COX11: variants seen among roughly 807,000 people sequenced by gnomAD.
COX11 encodes cytochrome c oxidase assembly protein COX11, mitochondrial.
COX11 carries 18 observed loss-of-function variants against 29.4 expected under a neutral mutation model. That is an observed-to-expected ratio of 0.61 (90% CI 0.42 to 0.91). The LOEUF is 0.91. Ranked by LOEUF, COX11 falls within the 40% of genes least tolerant of loss-of-function variation. The pLI is 0.00. For missense variants in COX11, 312 were observed against 346.0 expected (o/e 0.90, Z 0.78); for synonymous variants, 131 against 124.0 (o/e 1.06, Z -0.38).
At position 54,962,482 on chromosome 17, in the gene COX11, T is replaced by C. The variant is rs1374404913; in HGVS notation, c.*251A>G. ...CTGCATATTTAAAAAACAAAGCGGC[T>C]TATTTTAATAGTATCAAACTCTTCA... On this transcript the variant is annotated 3_prime_UTR_variant, in exon 4 of 4. Transcript: ENST00000299335. 13 of 1,098,054 alleles carry C rather than the reference T, an allele frequency of 1.2e-5. No individual in the cohort carries two copies. In the African/African-American group the frequency reaches 2.1e-4, roughly 18 times the overall value. 68.0% of individuals were successfully genotyped at this position (1,098,054 alleles called of 1,614,324 possible). A position where few individuals can be genotyped will look rare whatever the true frequency, so the allele number is the denominator to read the frequency against.
intron 2 of COX11, chr17:54,964,394 C>T (rs966050703): frequency 6.6e-6 from 2 of 303,148 alleles, no homozygotes; most frequent in Non-Finnish European, 1.2e-5. Context: ...TATAGCCTGA[C>T]GGTTACTGCT....
Position 54,961,387 on chromosome 17 carries a change from A to G in COX11, c.*1346T>C. ...GCTATAATGAAGATTAAATAGAATA[A>G]CAGTTCCAGGATAACACTGATTCCT... is the stretch of plus-strand genomic sequence containing the variant. On this transcript the variant is annotated 3_prime_UTR_variant, in exon 4 of 4. Transcript: ENST00000299335. The G allele has an allele frequency of 6.5e-7, 1 of 1,548,632 alleles. No individual in the cohort carries two copies. The highest frequency in any genetic ancestry group is 2.4e-5 in the East Asian group (1 of 40,882).
downstream of COX11, among the ~76,000 whole-genome samples, chr17:54,960,226 A>G (rs7217666): frequency 0.74 from 111,602 of 151,732 alleles, 41,373 homozygotes; most frequent in African/African-American, 0.81. Flanking sequence ...TTAGCTGGGC[A>G]TGGTTGTGTG....
rs755412727 is a variant in COX11, at chr17:54,968,617, C to T, written c.30G>A (p.Arg10=). The change falls in exon 1 of 4, where the codon AGG becomes AGA. Residue 10 remains arginine, a synonymous_variant. Transcript: ENST00000299335. ...AGCGCCAGCCACAGAAAGGAACGCACCTCCATCCAGGACGCCAGAGCCCTC... is the reference window on the plus strand; with the variant it reads ...AGCGCCAGCCACAGAAAGGAACGCATCTCCATCCAGGACGCCAGAGCCCTC... MGGLWRPGW[R]CVPFCGWRWI... is the part of the protein sequence containing the mutation. The T allele has an allele frequency of 6.2e-6, 10 of 1,612,790 alleles. No homozygotes were observed. Among genetic ancestry groups the T allele is most frequent in the Admixed American group, 1.7e-5 (1 of 60,004 alleles).
intron 1 of COX11, among the ~76,000 whole-genome samples, chr17:54,965,275 C>T (rs1490020991): frequency 6.6e-6 from 1 of 152,216 alleles, no homozygotes; most frequent in African/African-American, 2.4e-5. Context: ...CTCAATTTTT[C>T]CATATTCCTG....
At position 54,968,359 on chromosome 17, in the gene COX11, G is replaced by C. The variant is rs2077312227; in HGVS notation, c.288C>G (p.Leu96=). ...CCACGGCGACAGCGGCCACGTAAGT[G>C]AGGGTCGTCTTGTTCTGCCGCCGCC... The part of the protein sequence containing the change: ...EERRRQNKTT[L]TYVAAVAVGM... The change falls in exon 1 of 4, where the codon CTC becomes CTG. Residue 96 remains leucine (L), a synonymous_variant. Transcript: ENST00000299335. 1 of 1,613,032 alleles carries C rather than the reference G, an allele frequency of 6.2e-7. No homozygotes were observed. Among genetic ancestry groups the C allele is most frequent in the Non-Finnish European group, 8.5e-7 (1 of 1,179,954 alleles).
exon 1 of COX11, chr17:54,955,090 C>T (rs2111095): frequency 0.99 from 151,528 of 152,326 alleles, 75,367 homozygotes; most frequent in East Asian, 1. Context: ...TGCACACAGT[C>T]TGAGGGGCTT....
At chr17:54,963,263 A>G in intron 3 of COX11, 43 bp downstream of exon 3, 1 of 1,577,672 alleles carries the variant, frequency 6.3e-7, no homozygotes, top group South Asian at 1.2e-5. Context: ...AAACCGTTTC[A>G]TGTATCTTTA....
chr17:54,951,947 A>C, exon 1 of COX11: 1 of 152,232 alleles, frequency 6.6e-6, no homozygotes, highest in South Asian at 2.1e-4. Context: ...TAAATTCTTT[A>C]GGGGCCAGGA....
intron 1 of COX11, among the ~76,000 whole-genome samples, chr17:54,967,251 T>C (rs2077250171): frequency 2.0e-5 from 3 of 152,206 alleles, no homozygotes; most frequent in Admixed American, 2.0e-4. Context: ...GTCCAGGTGA[T>C]TCCCAATGTT....
chr17:54,964,331 C>G (rs2077182905), intron 2 of COX11: 1 of 212,600 alleles, frequency 4.7e-6, no homozygotes, highest in Non-Finnish European at 9.3e-6. Flanking sequence ...GTAACCAATG[C>G]TTTTCCACAT....
Position 54,960,549 on chromosome 17 carries a change from T to A in COX11, c.*2184A>T. 1 of 1,609,722 alleles carries A rather than the reference T, an allele frequency of 6.2e-7. No individual in the cohort carries two copies. Among genetic ancestry groups the A allele is most frequent in the Non-Finnish European group, 8.5e-7 (1 of 1,176,774 alleles). On this transcript the variant is annotated 3_prime_UTR_variant, in exon 4 of 4. Coordinates refer to ENST00000299335, the MANE Select transcript of COX11 (RefSeq NM_004375.5). ...AAATTGATACATAACCCTTTTGCTGTGATGGCTTTGTTTCAGAGCTATTTA... is the reference window on the plus strand; with the variant it reads ...AAATTGATACATAACCCTTTTGCTGAGATGGCTTTGTTTCAGAGCTATTTA...
At chr17:54,958,157 A>G (rs868707690), downstream of COX11, 1 of 152,276 alleles carries the variant, frequency 6.6e-6, no homozygotes, top group Admixed American at 6.5e-5. Context: ...AAGAGTAAAG[A>G]AAGTTAACAG....
chr17:54,957,421 T>C (rs1436770608), downstream of COX11: 1 of 152,252 alleles, frequency 6.6e-6, no homozygotes, highest in Non-Finnish European at 1.5e-5. Context: ...AAACGTTTTT[T>C]TAATCAGTTT....
chr17:54,961,259 A>T lies in COX11; in HGVS notation c.*1474T>A, dbSNP rs1398349209. ...GAAGAAAGTGGATGATCAGCTCACTACCACATCAAAGGTGCCAACTCTCTA... is the reference window on the plus strand; with the variant it reads ...GAAGAAAGTGGATGATCAGCTCACTTCCACATCAAAGGTGCCAACTCTCTA... On this transcript the variant is annotated 3_prime_UTR_variant, in exon 4 of 4. Transcript: ENST00000299335. The T allele has an allele frequency of 3.2e-6, 5 of 1,550,424 alleles. No homozygotes were observed. Among genetic ancestry groups the T allele is most frequent in the Non-Finnish European group, 4.4e-6 (5 of 1,145,868 alleles).
downstream of COX11, among the ~76,000 whole-genome samples, chr17:54,958,748 A>AAAG (rs372776781): frequency 3.4e-5 from 4 of 118,928 alleles, no homozygotes; most frequent in Admixed American, 9.2e-5. Flanking sequence ...AAAAAAAAAA[A>AAAG]GGGGTTGTTG....
intron 2 of COX11, 199 bp downstream of exon 2, chr17:54,964,498 T>C: frequency 1.8e-6 from 1 of 564,516 alleles, no homozygotes; most frequent in Non-Finnish European, 3.1e-6. Flanking sequence ...TACTTTTTAA[T>C]AGTGCTTTAC....
downstream of COX11, chr17:54,958,046 GAA>G (rs1487744945): frequency 6.6e-6 from 1 of 152,184 alleles, no homozygotes; most frequent in African/African-American, 2.4e-5. Context: ...TTAGTTAAGT[GAA>G]AAGTTTGGAA....
downstream of COX11, chr17:54,958,413 A>C (rs1335402259): frequency 6.6e-6 from 1 of 152,244 alleles, no homozygotes; most frequent in Non-Finnish European, 1.5e-5. Context: ...AACTTCTTAG[A>C]ACTTAAATAT....
Sources: gnomAD v4.1 joint callset for allele counts (sites outside exome capture counted in the v4.1 genomes callset) on GRCh38, gnomAD v4.1.1 for gene constraint, MANE v1.5 for transcripts, NCBI Gene and HGNC (gene_info 2026-07-23, HGNC 2026-07-21) for gene names.